The following INPP4B variants were observed in gnomAD, a reference collection of about 807,000 sequenced individuals.
The protein encoded by INPP4B is inositol polyphosphate-4-phosphatase type II B, also known as inositol polyphosphate 4-phosphatase type II.
In INPP4B, 55 loss-of-function variants were observed where a neutral mutation model predicts 122.5. That is an observed-to-expected ratio of 0.45 (90% CI 0.36 to 0.56). The LOEUF is 0.56. Among genes scored for constraint, INPP4B ranks in the 20% least tolerant of loss-of-function variants. The probability of loss-of-function intolerance (pLI) is 0.00; values close to 1 mark genes in which losing one functional copy is unlikely to be tolerated. For synonymous variants in INPP4B, 403 were observed against 388.7 expected, an observed-to-expected ratio of 1.04 and a Z score of -0.43; for missense variants, 1,000 against 1,097.7, an observed-to-expected ratio of 0.91 and a Z score of 1.26.
rs947331536 is a variant in INPP4B at position 142,619,853 on chromosome 4, G to A, written c.-191+105986C>T. The stretch of plus-strand genomic sequence containing the variant: ...GAGTGGATAAGAAAGGAAAGGAAGA[G>A]AGATACGTTTATTTTGCCACAAAGT... On this transcript the variant is annotated intron_variant, in intron 2 of 25. Coordinates refer to ENST00000262992, the MANE Select transcript of INPP4B (RefSeq NM_001101669.3). Among the ~76,000 whole-genome samples the A allele has an allele frequency of 1.3e-4, 20 of 151,996 alleles. 1 individual carries two copies. The highest frequency in any genetic ancestry group is 4.3e-4 in the African/African-American group (18 of 41,440).
At chr4:142,052,979 T>A (rs1414609909) in intron 25 of INPP4B, among the ~76,000 whole-genome samples, 1 of 152,034 alleles carries the variant, frequency 6.6e-6, no homozygotes, top group African/African-American at 2.4e-5. Flanking sequence ...GGGGAAATGA[T>A]ACCCAAATCA....
intron 2 of INPP4B, among the ~76,000 whole-genome samples, chr4:142,592,814 T>C (rs1452440290): frequency 6.6e-6 from 1 of 152,086 alleles, no homozygotes. Context: ...TCAAAGACCG[T>C]CATAGGCTGG....
In INPP4B at chr4:142,023,379, C is replaced by T. The variant is rs745548091; in HGVS notation, c.*5403G>A. On this transcript the variant is annotated 3_prime_UTR_variant, in exon 26 of 26. Transcript: ENST00000262992. Reference sequence around the variant, plus strand: ...AAATGCCAACCTTTCAGATGAGTACCACAAAAACCTAAAAGTTAAATGTTA... The same window carrying T: ...AAATGCCAACCTTTCAGATGAGTACTACAAAAACCTAAAAGTTAAATGTTA... The T allele has an allele frequency of 4.0e-5, 6 of 151,632 alleles. No homozygotes were observed. Among genetic ancestry groups the T allele is most frequent in the Non-Finnish European group, 7.4e-5 (5 of 67,896 alleles). 9.4% of individuals were successfully genotyped at this position (151,632 alleles called of 1,614,324 possible).
intron 11 of INPP4B, among the ~76,000 whole-genome samples, 179 bp downstream of exon 11, chr4:142,260,313 A>G (rs886470445): frequency 6.6e-6 from 1 of 152,090 alleles, no homozygotes; most frequent in Admixed American, 6.5e-5. Context: ...TATAGCTAGT[A>G]CATTTATCTT....
chr4:142,656,598 A>C (rs564950058), intron 2 of INPP4B, among the ~76,000 whole-genome samples: 52 of 152,200 alleles, frequency 3.4e-4, no homozygotes, highest in African/African-American at 1.2e-3. Flanking sequence ...GGCTGGTCCT[A>C]ACCACTTCCC....
intron 2 of INPP4B, among the ~76,000 whole-genome samples, chr4:142,668,815 G>A (rs1173934034): frequency 2.4e-4 from 36 of 152,100 alleles, no homozygotes; most frequent in African/African-American, 8.4e-4. Flanking sequence ...TTGGGAGGCC[G>A]AGGTGGGCAG....
intron 1 of INPP4B, among the ~76,000 whole-genome samples, chr4:142,781,163 G>A (rs1178237617): frequency 1.3e-5 from 2 of 152,188 alleles, no homozygotes; most frequent in Non-Finnish European, 2.9e-5. Flanking sequence ...AACAGGATGA[G>A]GTGTTTCATT....
At chr4:142,411,180 C>G (rs1352772362) in intron 5 of INPP4B, among the ~76,000 whole-genome samples, 1 of 152,146 alleles carries the variant, frequency 6.6e-6, no homozygotes, top group East Asian at 1.9e-4. Context: ...CTTTCTCTCT[C>G]CCAGCATATG....
chr4:142,060,045 G>A (rs1759741587), intron 25 of INPP4B, among the ~76,000 whole-genome samples: 1 of 152,072 alleles, frequency 6.6e-6, no homozygotes, highest in Non-Finnish European at 1.5e-5. Flanking sequence ...GTTATAGAAT[G>A]GCTACTTGCT....
At position 142,123,371 on chromosome 4, in the gene INPP4B, A is replaced by T. The variant is rs1405720525; in HGVS notation, c.1938T>A (p.Ser646Arg). Residue 646 changes from serine to arginine, a missense_variant, in exon 20 of 26, where the codon AGT becomes AGA. Transcript: ENST00000262992. Reference sequence around the variant, plus strand: ...GCTGTAGGAAGCCTGGGTCATACAGACTTGTCTGTAATTTGATGATAAAAC... The same window carrying T: ...GCTGTAGGAAGCCTGGGTCATACAGTCTTGTCTGTAATTTGATGATAAAAC... ...VCGFIIKLQT[S>R]LYDPGFLQQL... 6.2e-7 allele frequency: 1 copy of T among 1,612,890 alleles called. No homozygotes were observed. The highest frequency in any genetic ancestry group is 2.2e-5 in the East Asian group (1 of 44,832).
In INPP4B at chr4:142,656,326, G is replaced by A. The variant is rs116388578; in HGVS notation, c.-191+69513C>T. Among the ~76,000 whole-genome samples, 1,351 of 152,290 alleles carry A rather than the reference G, an allele frequency of 8.9e-3. 25 individuals carry two copies. Among genetic ancestry groups the A allele is most frequent in the African/African-American group, 0.031 (1,281 of 41,546 alleles). ...AGAATCCCGTCTGTAGCAGAACTAA[G>A]GAAAGTCCTGCATCATTTTTGGCGC... On this transcript the variant is annotated intron_variant, in intron 2 of 25. Transcript: ENST00000262992.
intron 1 of INPP4B, among the ~76,000 whole-genome samples, chr4:142,749,965 G>A (rs1339760309): frequency 2.6e-5 from 4 of 151,892 alleles, no homozygotes; most frequent in African/African-American, 9.7e-5. Flanking sequence ...TGGAAAAAAT[G>A]TTATAAACTC....
chr4:142,292,095 A>T (rs1416006204), intron 9 of INPP4B, among the ~76,000 whole-genome samples: 1 of 152,224 alleles, frequency 6.6e-6, no homozygotes, highest in Admixed American at 6.5e-5. Context: ...GGAGTACCGA[A>T]AAAGGAGAAA....
chr4:142,749,533 T>G (rs961484438), intron 1 of INPP4B, among the ~76,000 whole-genome samples: 8 of 151,480 alleles, frequency 5.3e-5, no homozygotes, highest in African/African-American at 1.9e-4. Context: ...AAGAATCCAT[T>G]TTAAGACTAA....
intron 7 of INPP4B, among the ~76,000 whole-genome samples, chr4:142,377,632 A>T (rs536987455): frequency 3.3e-5 from 5 of 152,260 alleles, no homozygotes; most frequent in African/African-American, 1.2e-4. Context: ...AGAATCAGGT[A>T]TCAAAATGAC....
rs1212328023 is a variant in INPP4B at position 142,481,131 on chromosome 4, C to T, written c.-190-18405G>A. On this transcript the variant is annotated intron_variant, in intron 2 of 25. Transcript: ENST00000262992. ...GCCTGGCAACAGAGCGAGACTCTGTCTCAAAAAAAAAAAAAAAAAAAAAAA... is the reference window on the plus strand; with the variant it reads ...GCCTGGCAACAGAGCGAGACTCTGTTTCAAAAAAAAAAAAAAAAAAAAAAA... Among the ~76,000 whole-genome samples the T allele has an allele frequency of 4.7e-3, 492 of 105,210 alleles. 4 individuals are homozygous for T. Among genetic ancestry groups the T allele is most frequent in the African/African-American group, 0.018 (468 of 25,962 alleles). 69.0% of individuals were successfully genotyped at this position (105,210 alleles called of 152,430 possible).
At chr4:142,118,010 G>A (rs1794593871) in intron 21 of INPP4B, among the ~76,000 whole-genome samples, 1 of 152,102 alleles carries the variant, frequency 6.6e-6, no homozygotes, top group Admixed American at 6.5e-5. Context: ...CAGACAAACA[G>A]AAAGCCAAAT....
intron 9 of INPP4B, among the ~76,000 whole-genome samples, chr4:142,283,646 C>G (rs1752211284): frequency 6.6e-6 from 1 of 152,086 alleles, no homozygotes; most frequent in African/African-American, 2.4e-5. Flanking sequence ...ATGGTTAGTA[C>G]TTGTGTACCT....
At chr4:142,662,984 T>G (rs1397326852) in intron 2 of INPP4B, among the ~76,000 whole-genome samples, 1 of 152,200 alleles carries the variant, frequency 6.6e-6, no homozygotes, top group Admixed American at 6.5e-5. Context: ...TAATTAATAT[T>G]AATAGTCACA....
Sources: gnomAD v4.1 joint callset for allele counts (sites outside exome capture counted in the v4.1 genomes callset) on GRCh38, gnomAD v4.1.1 for gene constraint, MANE v1.5 for transcripts, NCBI Gene and HGNC (gene_info 2026-07-23, HGNC 2026-07-21) for gene names.